The following ANO4 variants were observed in gnomAD, a reference collection of about 807,000 sequenced individuals.
ANO4 encodes anoctamin-4.
ANO4 carries 69 observed loss-of-function variants against 141.9 expected under a neutral mutation model. The ratio of observed to expected loss-of-function variants is 0.49; its 90% CI spans 0.40 to 0.59. ANO4 has a LOEUF of 0.59. Among genes scored for constraint, ANO4 ranks in the 20% least tolerant of loss-of-function variants. ANO4 has a pLI of 0.00. For synonymous variants in ANO4, 350 were observed against 394.3 expected (o/e 0.89, Z 1.33); for missense variants, 894 against 1,162.2 (o/e 0.77, Z 3.36).
At chr12:101,049,992 A>G (rs1488889898) in intron 14 of ANO4, among the ~76,000 whole-genome samples, 1 of 152,184 alleles carries the variant, frequency 6.6e-6, no homozygotes, top group South Asian at 2.1e-4. Flanking sequence ...GGGAGTTAGC[A>G]GCAGGAATGG....
At chr12:100,847,475 A>AT (rs59985012) in intron 1 of ANO4, among the ~76,000 whole-genome samples, 1,653 of 136,868 alleles carry the variant, frequency 0.012, 55 homozygotes, top group African/African-American at 0.042. Flanking sequence ...GGCCAAGATA[A>AT]TTTTTTTTTT....
At chr12:101,009,993 A>G (rs2046019206) in intron 8 of ANO4, among the ~76,000 whole-genome samples, 1 of 152,152 alleles carries the variant, frequency 6.6e-6, no homozygotes, top group Middle Eastern at 3.4e-3. Flanking sequence ...CCCAGTTCTA[A>G]GATTTTCTGG....
intron 1 of ANO4, among the ~76,000 whole-genome samples, chr12:100,891,508 C>G (rs1042335269): frequency 6.6e-6 from 1 of 152,110 alleles, no homozygotes; most frequent in African/African-American, 2.4e-5. Context: ...TTTTGACTTT[C>G]ACTATTCTAA....
chr12:100,977,258 G>A (rs1330641482), intron 7 of ANO4, among the ~76,000 whole-genome samples: 2 of 152,134 alleles, frequency 1.3e-5, no homozygotes, highest in South Asian at 4.1e-4. Flanking sequence ...TTATCCATCT[G>A]TAAGTCTCTC....
intron 3 of ANO4, among the ~76,000 whole-genome samples, chr12:100,778,542 G>T (rs935525195): frequency 6.6e-6 from 1 of 152,136 alleles, no homozygotes; most frequent in African/African-American, 2.4e-5. Context: ...TCTGGATCTG[G>T]TTTAGGGCTG....
At chr12:100,995,313 A>G (rs1413354884) in intron 8 of ANO4, among the ~76,000 whole-genome samples, 2 of 152,166 alleles carry the variant, frequency 1.3e-5, no homozygotes, top group Admixed American at 6.5e-5. Flanking sequence ...CTAATCTGGG[A>G]GAAGCTCTGA....
intron 1 of ANO4, among the ~76,000 whole-genome samples, chr12:100,868,144 T>C (rs988326767): frequency 2.6e-5 from 4 of 152,128 alleles, no homozygotes; most frequent in African/African-American, 2.4e-5. Context: ...CCTGAGCCTT[T>C]CTTTCTTCAG....
At chr12:101,102,610 A>G (rs781686196) in intron 22 of ANO4, among the ~76,000 whole-genome samples, 4 of 152,100 alleles carry the variant, frequency 2.6e-5, no homozygotes, top group Non-Finnish European at 4.4e-5. Context: ...TTTGTCAGAT[A>G]TATATGTTGA....
At chr12:100,867,332 C>G (rs1253924588) in intron 1 of ANO4, among the ~76,000 whole-genome samples, 2 of 152,012 alleles carry the variant, frequency 1.3e-5, no homozygotes, top group African/African-American at 2.4e-5. Context: ...AGGAGAGCCA[C>G]CAGTGGTATA....
Position 100,775,499 on chromosome 12 carries a change from A to G in ANO4, c.358+35394A>G, listed in dbSNP as rs181985841. ...AGTGGTTGGGGAACAGTGTTATCAA[A>G]CAGATCTGGGCTGGATTCCTACATC... On this transcript the variant is annotated intron_variant, in intron 3 of 29. Coordinates refer to the ANO4 transcript ENST00000644049. Among the ~76,000 whole-genome samples the G allele has an allele frequency of 7.9e-5, 12 of 152,326 alleles. No homozygotes were observed. The East Asian group carries it at 2.1e-3, about 27-fold the overall frequency.
chr12:101,046,759 T>C (rs1287112697), intron 13 of ANO4, among the ~76,000 whole-genome samples: 1 of 151,864 alleles, frequency 6.6e-6, no homozygotes, highest in Non-Finnish European at 1.5e-5. Flanking sequence ...TGTCTCCAAA[T>C]GTTTGTGTAT....
At chr12:100,992,735 C>G (rs1167297927) in intron 8 of ANO4, among the ~76,000 whole-genome samples, 1 of 152,156 alleles carries the variant, frequency 6.6e-6, no homozygotes, top group Non-Finnish European at 1.5e-5. Flanking sequence ...GATTGTATCT[C>G]CAATACCTAA....
chr12:101,046,138 T>C (rs935558548), intron 13 of ANO4, among the ~76,000 whole-genome samples: 2 of 152,266 alleles, frequency 1.3e-5, no homozygotes, highest in Non-Finnish European at 2.9e-5. Context: ...AGGACTTTTC[T>C]GGTCAGTTTC....
chr12:101,044,524 A>G (rs1593110726), intron 13 of ANO4, among the ~76,000 whole-genome samples: 1 of 152,250 alleles, frequency 6.6e-6, no homozygotes, highest in African/African-American at 2.4e-5. Flanking sequence ...TGGCTTGCCC[A>G]GATTCAGATA....
At chr12:100,958,789 A>C (rs2043280173) in intron 5 of ANO4, among the ~76,000 whole-genome samples, 1 of 152,232 alleles carries the variant, frequency 6.6e-6, no homozygotes, top group Admixed American at 6.5e-5. Flanking sequence ...TTGAGGCTGC[A>C]GTGAGCCAAG....
At chr12:101,021,328 A>G (rs1339897300) in intron 9 of ANO4, among the ~76,000 whole-genome samples, 2 of 152,212 alleles carry the variant, frequency 1.3e-5, no homozygotes, top group African/African-American at 4.8e-5. Context: ...CACGCACTGC[A>G]GGAGCTGGGT....
At chr12:100,884,053 C>T (rs1445640297) in intron 1 of ANO4, among the ~76,000 whole-genome samples, 9 of 152,110 alleles carry the variant, frequency 5.9e-5, no homozygotes, top group Non-Finnish European at 1.3e-4. Context: ...ACATAAATAA[C>T]ATATATGGGT....
intron 14 of ANO4, among the ~76,000 whole-genome samples, chr12:101,063,745 CTTTTTTTTTTTTTTTTTTTTTT>C: frequency 4.0e-5 from 1 of 24,772 alleles, no homozygotes. Context: ...TCCAGGTTAT[CTTTTTTTTTTTTTTTTTTTTTT>C]TTTTTTTTTT....
chr12:100,746,920 T>A (rs1042659941), intron 3 of ANO4, among the ~76,000 whole-genome samples: 4 of 151,814 alleles, frequency 2.6e-5, no homozygotes, highest in African/African-American at 9.7e-5. Context: ...CTAAATTGTA[T>A]CTCATGCTGC....
Sources: allele counts gnomAD v4.1 joint callset (sites outside exome capture counted in the v4.1 genomes callset), GRCh38; gene constraint gnomAD v4.1.1; transcripts MANE v1.5; gene names NCBI Gene and HGNC (gene_info 2026-07-23, HGNC 2026-07-21).